DIAPH3: variants seen among roughly 807,000 people sequenced by gnomAD.
DIAPH3 encodes diaphanous related formin 3.
A neutral mutation model predicts 144.3 loss-of-function variants in DIAPH3; 117 were observed. The ratio of observed to expected loss-of-function variants is 0.81; its 90% CI spans 0.70 to 0.95. The LOEUF (loss-of-function observed/expected upper bound fraction) is 0.95. DIAPH3 is among the 40% of genes least tolerant of loss of function. The probability of loss-of-function intolerance (pLI) is 0.00; values close to 1 mark genes in which losing one functional copy is unlikely to be tolerated. For missense variants in DIAPH3, 1,421 were observed against 1,412.7 expected (o/e 1.01, Z -0.09); for synonymous variants, 519 against 488.9 (o/e 1.06, Z -0.81).
intron 5 of DIAPH3, chr13:60,034,324 C>CA (rs1241670107): frequency 6.6e-6 from 1 of 152,070 alleles, no homozygotes; most frequent in Non-Finnish European, 1.5e-5. Flanking sequence ...CCTTTATATC[C>CA]ATAAGAAACT....
intron 2 of DIAPH3, among the ~76,000 whole-genome samples, chr13:60,112,564 C>G (rs924818298): frequency 9.2e-5 from 14 of 152,190 alleles, no homozygotes; most frequent in Admixed American, 2.0e-4. Context: ...TCTCCCACCC[C>G]CTCCTGGCCC....
intron 24 of DIAPH3, among the ~76,000 whole-genome samples, chr13:59,812,309 C>G (rs982276449): frequency 6.6e-6 from 1 of 151,366 alleles, no homozygotes; most frequent in South Asian, 2.1e-4. Flanking sequence ...TCCATCTATC[C>G]ATCGATCCAT....
chr13:59,898,164 A>G (rs544080216), intron 20 of DIAPH3, among the ~76,000 whole-genome samples: 1 of 147,614 alleles, frequency 6.8e-6, no homozygotes, highest in Non-Finnish European at 1.5e-5. Flanking sequence ...AAAGAAAAAG[A>G]AAAAAGAAAA....
At chr13:59,999,564 G>C (rs920531280) in intron 9 of DIAPH3, among the ~76,000 whole-genome samples, 4 of 152,092 alleles carry the variant, frequency 2.6e-5, no homozygotes, top group Non-Finnish European at 5.9e-5. Context: ...AGCTATCACA[G>C]CATTTGAATT....
chr13:59,965,173 G>A (rs2049978233), intron 17 of DIAPH3, among the ~76,000 whole-genome samples: 1 of 152,036 alleles, frequency 6.6e-6, no homozygotes, highest in African/African-American at 2.4e-5. Flanking sequence ...AGAAATCTAA[G>A]CTTGATTTGT....
At chr13:59,813,852 T>C (rs375178) in intron 24 of DIAPH3, among the ~76,000 whole-genome samples, 109,469 of 146,644 alleles carry the variant, frequency 0.75, 41,177 homozygotes, top group East Asian at 0.88. Context: ...GAGCAAGACT[T>C]TGTCTCAAAA....
At chr13:59,976,013 A>G (rs2050658772) in intron 14 of DIAPH3, among the ~76,000 whole-genome samples, 1 of 151,886 alleles carries the variant, frequency 6.6e-6, no homozygotes. Context: ...CTTCCCCCTA[A>G]GGACTTGCTA....
chr13:59,925,207 A>G (rs2047696201), intron 17 of DIAPH3, among the ~76,000 whole-genome samples: 1 of 152,188 alleles, frequency 6.6e-6, no homozygotes, highest in Non-Finnish European at 1.5e-5. Context: ...CAGTTATAAA[A>G]ATTAAAACAC....
At chr13:59,747,409 G>A (rs1387123997) in intron 27 of DIAPH3, among the ~76,000 whole-genome samples, 2 of 152,170 alleles carry the variant, frequency 1.3e-5, no homozygotes, top group African/African-American at 4.8e-5. Flanking sequence ...TGGCTCATCA[G>A]CCTTCCTGGG....
chr13:59,997,036 A>T (rs1161812640), intron 9 of DIAPH3, among the ~76,000 whole-genome samples: 1 of 152,112 alleles, frequency 6.6e-6, no homozygotes, highest in Non-Finnish European at 1.5e-5. Context: ...ATCTTGTTAC[A>T]TGCATATAAG....
At chr13:59,765,185 C>T (rs761062620) in intron 27 of DIAPH3, among the ~76,000 whole-genome samples, 2 of 152,112 alleles carry the variant, frequency 1.3e-5, no homozygotes, top group Non-Finnish European at 2.9e-5. Flanking sequence ...ATATTACTTC[C>T]GGTATTTTAA....
At chr13:60,148,244 A>G (rs1594781796) in intron 1 of DIAPH3, among the ~76,000 whole-genome samples, 1 of 152,230 alleles carries the variant, frequency 6.6e-6, no homozygotes. Flanking sequence ...ATAAGGTTGA[A>G]TATTTTGGAC....
chr13:59,737,655 G>A (rs74084690), intron 27 of DIAPH3, among the ~76,000 whole-genome samples: 3,408 of 152,224 alleles, frequency 0.022, 137 homozygotes, highest in African/African-American at 0.078. Context: ...AGAGCTGTAA[G>A]GCCTGGAGTA....
chr13:60,115,373 A>G (rs1594706123), intron 2 of DIAPH3, among the ~76,000 whole-genome samples: 3 of 152,190 alleles, frequency 2.0e-5, no homozygotes, highest in African/African-American at 7.2e-5. Flanking sequence ...ATACTCAAGA[A>G]CTGCAAGAGA....
At chr13:59,895,436 A>AC (rs1390762067) in intron 20 of DIAPH3, among the ~76,000 whole-genome samples, 1 of 145,868 alleles carries the variant, frequency 6.9e-6, no homozygotes, top group Non-Finnish European at 1.5e-5. Context: ...AAAGGAAAAA[A>AC]AAAAAAACAA....
At chr13:59,793,443 CT>C (rs1027863740) in intron 25 of DIAPH3, among the ~76,000 whole-genome samples, 18 of 152,320 alleles carry the variant, frequency 1.2e-4, no homozygotes, top group Non-Finnish European at 1.8e-4. Context: ...CATTCATTAA[CT>C]CTTTACGCTA....
chr13:60,104,566 G>GCGCA (rs1555375780), intron 3 of DIAPH3, among the ~76,000 whole-genome samples: 2 of 147,026 alleles, frequency 1.4e-5, no homozygotes, highest in East Asian at 2.1e-4. Flanking sequence ...CAGTATCAAG[G>GCGCA]CACACACACA....
At chr13:60,120,687 A>T (rs2058822916) in intron 2 of DIAPH3, among the ~76,000 whole-genome samples, 1 of 152,184 alleles carries the variant, frequency 6.6e-6, no homozygotes, top group South Asian at 2.1e-4. Flanking sequence ...CATGCCATGG[A>T]GCAGTGTTTG....
intron 3 of DIAPH3, among the ~76,000 whole-genome samples, chr13:60,110,699 T>G (rs1343321650): frequency 2.0e-5 from 3 of 152,210 alleles, no homozygotes; most frequent in Non-Finnish European, 2.9e-5. Context: ...AATTTCATTT[T>G]ATTTCTGCTG....
Sources: gnomAD v4.1 joint callset for allele counts (sites outside exome capture counted in the v4.1 genomes callset) on GRCh38, gnomAD v4.1.1 for gene constraint, MANE v1.5 for transcripts, NCBI Gene and HGNC (gene_info 2026-07-23, HGNC 2026-07-21) for gene names.